Variants in TBL1Y observed in about 807,000 individuals in gnomAD.
The protein encoded by TBL1Y is transducin beta like 1 Y-linked.
Under a neutral mutation model 12.0 loss-of-function variants are expected in TBL1Y, and 15 were observed. The ratio of observed to expected loss-of-function variants is 1.25; its 90% CI spans 0.83 to 1.92. TBL1Y has a LOEUF of 1.92. Among genes scored for constraint, TBL1Y ranks in the 40% most tolerant of loss-of-function variants. The pLI is 0.00. For synonymous variants in TBL1Y, 53 were observed against 42.6 expected, an observed-to-expected ratio of 1.24 and a Z score of -0.95; for missense variants, 148 against 116.7, an observed-to-expected ratio of 1.27 and a Z score of -1.24.
chrY:6,975,121 TG>T (rs2012229724), intron 2 of TBL1Y, among the ~76,000 whole-genome samples: 1 of 34,066 alleles, frequency 2.9e-5, no homozygotes, highest in Non-Finnish European at 7.3e-5. Flanking sequence ...GTGTGTTTAC[TG>T]AGGATAGCAT....
intron 2 of TBL1Y, among the ~76,000 whole-genome samples, chrY:6,947,181 A>C: frequency 1.5e-4 from 5 of 33,289 alleles, no homozygotes; most frequent in Admixed American, 1.4e-3. Context: ...CTCGTGGCTA[A>C]GAGGAATTAT....
intron 13 of TBL1Y, among the ~76,000 whole-genome samples, chrY:7,079,651 C>G: frequency 2.9e-5 from 1 of 34,201 alleles, no homozygotes; most frequent in Admixed American, 2.6e-4. Flanking sequence ...TATTTCATCC[C>G]CAAAGGGTTT....
chrY:6,934,279 C>G, intron 2 of TBL1Y, among the ~76,000 whole-genome samples: 1 of 32,674 alleles, frequency 3.1e-5, no homozygotes, highest in African/African-American at 1.2e-4. Flanking sequence ...TTAGTGAGTG[C>G]TAACTCTCCT....
chrY:6,961,399 C>T (rs2012125457), intron 2 of TBL1Y, among the ~76,000 whole-genome samples: 2 of 32,326 alleles, frequency 6.2e-5, no homozygotes, highest in Non-Finnish European at 1.5e-4. Flanking sequence ...CTTCACCTGG[C>T]GAGGTGATGA....
At chrY:6,923,580 C>G in intron 2 of TBL1Y, among the ~76,000 whole-genome samples, 1 of 32,694 alleles carries the variant, frequency 3.1e-5, no homozygotes, top group Non-Finnish European at 7.5e-5. Context: ...GTAGTGCGTT[C>G]TTGGATCTTC....
chrY:7,039,552 A>G, intron 6 of TBL1Y, among the ~76,000 whole-genome samples: 1 of 33,138 alleles, frequency 3.0e-5, no homozygotes, highest in Non-Finnish European at 7.4e-5. Flanking sequence ...CCATCACTCT[A>G]GAGATTTGTC....
intron 15 of TBL1Y, 120 bp from the exon 16 acceptor site, chrY:7,086,170 C>A (rs774666110): frequency 3.4e-6 from 1 of 297,070 alleles, no homozygotes; most frequent in Non-Finnish European, 5.0e-6. Context: ...CTCACCACTG[C>A]ACACCCCATA....
intron 2 of TBL1Y, among the ~76,000 whole-genome samples, chrY:6,953,751 G>T (rs781433776): frequency 3.0e-5 from 1 of 33,406 alleles, no homozygotes; most frequent in Admixed American, 2.7e-4. Flanking sequence ...GAGGAGAGGC[G>T]CTCTGATTTT....
At chrY:6,983,412 A>T in intron 3 of TBL1Y, among the ~76,000 whole-genome samples, 1 of 33,073 alleles carries the variant, frequency 3.0e-5, no homozygotes, top group Non-Finnish European at 7.4e-5. Flanking sequence ...TATATTAGTC[A>T]GAGTCTGGCT....
chrY:7,081,736 T>A, intron 14 of TBL1Y, among the ~76,000 whole-genome samples: 1 of 31,693 alleles, frequency 3.2e-5, no homozygotes, highest in Admixed American at 2.9e-4. Context: ...GGCTGTGGAG[T>A]ATTACACACA....
chrY:7,001,200 G>A, intron 4 of TBL1Y, among the ~76,000 whole-genome samples: 1 of 32,710 alleles, frequency 3.1e-5, no homozygotes, highest in Non-Finnish European at 7.5e-5. Flanking sequence ...AGAGGGCACC[G>A]AGGTGTGAGG....
At chrY:6,954,110 AC>A (rs2012051229) in intron 2 of TBL1Y, among the ~76,000 whole-genome samples, 1 of 33,101 alleles carries the variant, frequency 3.0e-5, no homozygotes, top group East Asian at 8.1e-4. Flanking sequence ...CTCTCAGGCT[AC>A]TCGGGGGTCA....
intron 12 of TBL1Y, among the ~76,000 whole-genome samples, chrY:7,072,401 A>G (rs901218682): frequency 6.0e-5 from 2 of 33,585 alleles, no homozygotes; most frequent in Admixed American, 2.7e-4. Flanking sequence ...TTTGAGCTAC[A>G]TGGTTCAGTG....
At chrY:6,921,454 C>A (rs2011777556) in intron 2 of TBL1Y, among the ~76,000 whole-genome samples, 1 of 32,935 alleles carries the variant, frequency 3.0e-5, no homozygotes, top group African/African-American at 1.2e-4. Context: ...TTATTCTTGA[C>A]CTGGGTGTCT....
chrY:7,045,270 C>T, intron 7 of TBL1Y, among the ~76,000 whole-genome samples: 1 of 33,347 alleles, frequency 3.0e-5, no homozygotes, highest in Non-Finnish European at 7.4e-5. Flanking sequence ...CCCAAGCATT[C>T]GGGCCCAAGG....
chrY:6,951,307 C>G (rs2012022670), intron 2 of TBL1Y, among the ~76,000 whole-genome samples: 1 of 33,205 alleles, frequency 3.0e-5, no homozygotes, highest in African/African-American at 1.2e-4. Flanking sequence ...AATCCATCTG[C>G]TCCTGGACTT....
intron 7 of TBL1Y, among the ~76,000 whole-genome samples, chrY:7,043,570 A>G (rs983166266): frequency 3.2e-5 from 1 of 31,097 alleles, no homozygotes; most frequent in Non-Finnish European, 7.9e-5. Flanking sequence ...AAATAAATAA[A>G]TAACGGAAGA....
At chrY:7,082,334 T>C in intron 14 of TBL1Y, among the ~76,000 whole-genome samples, 1 of 33,360 alleles carries the variant, frequency 3.0e-5, no homozygotes, top group Non-Finnish European at 7.3e-5. Flanking sequence ...ACAAATTCCT[T>C]ACTGTGGGCT....
At chrY:7,052,231 CT>C (rs2012801412) in intron 7 of TBL1Y, among the ~76,000 whole-genome samples, 1 of 34,222 alleles carries the variant, frequency 2.9e-5, no homozygotes, top group African/African-American at 1.1e-4. Flanking sequence ...GACTTATTTA[CT>C]TAATTTATGA....
Sources: allele counts gnomAD v4.1 joint callset (sites outside exome capture counted in the v4.1 genomes callset), GRCh38; gene constraint gnomAD v4.1.1; transcripts MANE v1.5; gene names NCBI Gene and HGNC (gene_info 2026-07-23, HGNC 2026-07-21).